Variants in FAM222B observed in about 807,000 individuals in gnomAD.
FAM222B encodes the protein family with sequence similarity 222 member B, also known as protein FAM222B.
In FAM222B, 12 loss-of-function variants were observed where a neutral mutation model predicts 38.0. That is an observed-to-expected ratio of 0.32 (90% CI 0.20 to 0.51). The LOEUF is 0.51. FAM222B is among the 20% of genes least tolerant of loss of function. The pLI, the probability that FAM222B is intolerant of heterozygous loss-of-function variation, is 0.97. For missense variants in FAM222B, 716 were observed against 754.2 expected (o/e 0.95, Z 0.59); for synonymous variants, 329 against 317.2 (o/e 1.04, Z -0.40).
At chr17:28,787,978 CCA>C (rs2036495674) in intron 1 of FAM222B, among the ~76,000 whole-genome samples, 1 of 152,074 alleles carries the variant, frequency 6.6e-6, no homozygotes, top group African/African-American at 2.4e-5. Context: ...GAATGTGCCA[CCA>C]CACCCAGCTA....
intron 1 of FAM222B, among the ~76,000 whole-genome samples, chr17:28,827,167 GACA>G (rs1255472112): frequency 6.6e-6 from 1 of 151,686 alleles, no homozygotes; most frequent in Admixed American, 6.6e-5. Context: ...AAACAGCCTG[GACA>G]ACATATTGAA....
chr17:28,797,787 C>T (rs2037012962), intron 1 of FAM222B, among the ~76,000 whole-genome samples: 2 of 152,116 alleles, frequency 1.3e-5, no homozygotes, highest in Admixed American at 6.5e-5. Context: ...AACTGGACAG[C>T]CATCACGGAT....
chr17:28,807,334 G>T (rs1319048774), intron 1 of FAM222B, among the ~76,000 whole-genome samples: 1 of 151,858 alleles, frequency 6.6e-6, no homozygotes, highest in African/African-American at 2.4e-5. Context: ...TCTTAATACT[G>T]GAAATGATTC....
chr17:28,759,917 G>A lies in FAM222B; in HGVS notation c.83-41C>T. On this transcript the variant is annotated intron_variant, in intron 2 of 2. Transcript: ENST00000581407. This position sits in a 1 kb window ranked among gnomAD's most constrained non-coding sequence, Gnocchi z 4.8. The stretch of plus-strand genomic sequence containing the variant: ...GGGAAGGAGAGCAAAGAGGGAGAGG[G>A]AGCTCATCAGTGCCAAGGCAAACAG... The A allele has an allele frequency of 2.0e-6, 3 of 1,487,048 alleles. No individual in the cohort carries two copies. Among genetic ancestry groups the A allele is most frequent in the Non-Finnish European group, 1.8e-6 (2 of 1,112,368 alleles). The allele number at this position is 1,487,048 out of a possible 1,614,324, so 92.1% of individuals were successfully genotyped here. A position where few individuals can be genotyped will look rare whatever the true frequency, so the allele number is the denominator to read the frequency against.
At position 28,820,961 on chromosome 17, in the gene FAM222B, A is replaced by AT. The variant is rs980205884; in HGVS notation, c.-41+21720dup. Among the ~76,000 whole-genome samples, 249 of 131,082 alleles carry AT rather than the reference A, an allele frequency of 1.9e-3. 1 individual carries two copies. Among genetic ancestry groups the AT allele is most frequent in the South Asian group, 3.7e-3 (16 of 4,268 alleles). The allele number at this position is 131,082 out of a possible 152,430, so 86.0% of individuals were successfully genotyped here. ...AGTCTGGTAAAACTCTTTTTATTTTATTTTTTTTTTTTTGAGATGGACTCT... is the reference window on the plus strand; with the variant it reads ...AGTCTGGTAAAACTCTTTTTATTTTATTTTTTTTTTTTTTGAGATGGACTCT... On this transcript the variant is annotated intron_variant, in intron 1 of 2. Coordinates refer to ENST00000581407, the MANE Select transcript of FAM222B (RefSeq NM_001077498.3).
At chr17:28,790,883 A>AAATTTTT (rs1567838640) in intron 1 of FAM222B, among the ~76,000 whole-genome samples, 6 of 8,906 alleles carry the variant, frequency 6.7e-4, no homozygotes, top group African/African-American at 3.2e-3. Flanking sequence ...AAATTGTTTC[A>AAATTTTT]CTTTTTTTTT....
intron 1 of FAM222B, among the ~76,000 whole-genome samples, chr17:28,833,972 C>T (rs1029314813): frequency 2.6e-5 from 4 of 152,150 alleles, no homozygotes; most frequent in Admixed American, 1.3e-4. Flanking sequence ...TCTTGTATTC[C>T]GTAACTTGGT....
intron 1 of FAM222B, among the ~76,000 whole-genome samples, chr17:28,789,535 C>CCAACTCAGTGTCCTTAT (rs1283939512): frequency 6.6e-6 from 1 of 152,106 alleles, no homozygotes; most frequent in Non-Finnish European, 1.5e-5. Context: ...ACCTCCCTTA[C>CCAACTCAGTGTCCTTAT]CAACTCAGTG....
intron 1 of FAM222B, among the ~76,000 whole-genome samples, chr17:28,793,552 C>G (rs1359735406): frequency 1.3e-5 from 2 of 152,128 alleles, no homozygotes; most frequent in Non-Finnish European, 2.9e-5. Context: ...CTTTGTACTA[C>G]AAGGATGATG....
At chr17:28,766,730 C>T in intron 1 of FAM222B, 23 bp from the exon 2 acceptor site, 1 of 1,338,908 alleles carries the variant, frequency 7.5e-7, no homozygotes, top group Non-Finnish European at 1.1e-6. Flanking sequence ...AAAACAAGGT[C>T]ATGAAACACA....
intron 1 of FAM222B, among the ~76,000 whole-genome samples, chr17:28,827,064 T>G (rs2038466767): frequency 6.6e-6 from 1 of 152,046 alleles, no homozygotes; most frequent in Non-Finnish European, 1.5e-5. Flanking sequence ...AGAGGATCAT[T>G]TAGGCCCAGG....
intron 1 of FAM222B, among the ~76,000 whole-genome samples, chr17:28,852,500 A>G (rs34901720): frequency 0.26 from 38,787 of 151,300 alleles, 5,620 homozygotes; most frequent in African/African-American, 0.37. Flanking sequence ...AATTAGCCGG[A>G]TGTGGTGGCC....
At chr17:28,797,894 C>G (rs925403321) in intron 1 of FAM222B, among the ~76,000 whole-genome samples, 1 of 144,352 alleles carries the variant, frequency 6.9e-6, no homozygotes, top group African/African-American at 2.5e-5. Flanking sequence ...GACCCCATCT[C>G]TACAAAAAAA....
In FAM222B at chr17:28,820,950, C is replaced by CTTT. The variant is rs1456864304; in HGVS notation, c.-41+21729_-41+21731dup. Among the ~76,000 whole-genome samples, 42 of 144,380 alleles carry CTTT rather than the reference C, an allele frequency of 2.9e-4. 1 individual carries two copies. The highest frequency in any genetic ancestry group is 4.5e-4 in the South Asian group (2 of 4,404). 94.7% of individuals were successfully genotyped at this position (144,380 alleles called of 152,430 possible). ...CCACTGCACCCAGTCTGGTAAAACT[C>CTTT]TTTTTATTTTATTTTTTTTTTTTTG... On this transcript the variant is annotated intron_variant, in intron 1 of 2. Coordinates refer to ENST00000581407, the MANE Select transcript of FAM222B (RefSeq NM_001077498.3).
chr17:28,837,575 A>G (rs2038889634), intron 1 of FAM222B, among the ~76,000 whole-genome samples: 1 of 152,020 alleles, frequency 6.6e-6, no homozygotes, highest in Non-Finnish European at 1.5e-5. Flanking sequence ...TAAGTCACAG[A>G]GCTTTGACAG....
chr17:28,794,466 C>A (rs1397883724), intron 1 of FAM222B, among the ~76,000 whole-genome samples: 1 of 151,604 alleles, frequency 6.6e-6, no homozygotes, highest in African/African-American at 2.4e-5. Flanking sequence ...ATGATCTGCC[C>A]GCCTCAGCCT....
At chr17:28,786,359 G>GA (rs1258381167) in intron 1 of FAM222B, among the ~76,000 whole-genome samples, 5 of 152,162 alleles carry the variant, frequency 3.3e-5, no homozygotes, top group South Asian at 4.1e-4. Flanking sequence ...ATAGGCAAAG[G>GA]AAAGCTTGAA....
chr17:28,763,321 A>G (rs2035174159), intron 2 of FAM222B, among the ~76,000 whole-genome samples: 1 of 152,248 alleles, frequency 6.6e-6, no homozygotes, highest in Non-Finnish European at 1.5e-5. Flanking sequence ...AAATGAAACA[A>G]TGATGGTCAA....
intron 1 of FAM222B, among the ~76,000 whole-genome samples, chr17:28,790,884 C>CA (rs71135852): frequency 0.039 from 3,379 of 86,052 alleles, 1,086 homozygotes; most frequent in African/African-American, 0.088. Flanking sequence ...AATTGTTTCA[C>CA]TTTTTTTTTT....
Sources: gnomAD v4.1 joint callset for allele counts (sites outside exome capture counted in the v4.1 genomes callset) on GRCh38, gnomAD v4.1.1 for gene constraint, Gnocchi (gnomAD v3.1) non-coding constraint, MANE v1.5 for transcripts, NCBI Gene and HGNC (gene_info 2026-07-23, HGNC 2026-07-21) for gene names.